Variants in BAZ2B observed in about 807,000 individuals in gnomAD.
BAZ2B encodes bromodomain adjacent to zinc finger domain 2B, also known as bromodomain adjacent to zinc finger domain protein 2B.
Under a neutral mutation model 246.0 loss-of-function variants are expected in BAZ2B, and 91 were observed. That is an observed-to-expected ratio of 0.37 (90% confidence interval 0.31 to 0.44). The LOEUF is 0.44. BAZ2B is among the 20% of genes least tolerant of loss of function. The probability of loss-of-function intolerance (pLI) is 1.00; values close to 1 mark genes in which losing one functional copy is unlikely to be tolerated. For synonymous variants in BAZ2B, 855 were observed against 860.0 expected (o/e 0.99, Z 0.10); for missense variants, 2,332 against 2,533.7 (o/e 0.92, Z 1.71).
At chr2:159,407,045 T>C (rs543249504) in intron 14 of BAZ2B, among the ~76,000 whole-genome samples, 19 of 151,284 alleles carry the variant, frequency 1.3e-4, no homozygotes, top group East Asian at 2.0e-4. Context: ...TGAGCCAGCG[T>C]GCCCGGCCTG....
chr2:159,652,361 C>T, the BAZ2B span, among the ~76,000 whole-genome samples: 1 of 152,042 alleles, frequency 6.6e-6, no homozygotes, highest in African/African-American at 2.4e-5. Context: ...AGGCGCGTGC[C>T]ACAACACCTG....
At chr2:159,712,266 C>G in the BAZ2B span, 1 of 152,192 alleles carries the variant, frequency 6.6e-6, no homozygotes, top group South Asian at 2.1e-4. Flanking sequence ...CCCGCACACT[C>G]GCCAGCCCAG....
chr2:159,323,801 CAAAA>C (rs70994291), intron 36 of BAZ2B, among the ~76,000 whole-genome samples: 1 of 127,506 alleles, frequency 7.8e-6, no homozygotes, highest in Admixed American at 8.1e-5. Context: ...GAAACTCTCT[CAAAA>C]AAAAAAAAAA....
intron 2 of BAZ2B, among the ~76,000 whole-genome samples, chr2:159,533,672 A>G (rs1160406090): frequency 6.6e-6 from 1 of 152,214 alleles, no homozygotes; most frequent in African/African-American, 2.4e-5. Flanking sequence ...AGTATAACTA[A>G]TAACACAACT....
chr2:159,428,034 G>A lies in BAZ2B; in HGVS notation c.2373C>T (p.Ser791=), dbSNP rs2070310389. The change falls in exon 13 of 37, where the codon AGC becomes AGT. Residue 791 remains serine (S), a synonymous_variant. Transcript: ENST00000392783. ...TTGAGATATCCATTATTCCATTTCT[G>A]CTGAGATACTGAAAAAATCACATAT... ...RQYPEVIKYL[S]RNGIMDISRD... 1 of 1,612,394 alleles carries A rather than the reference G, an allele frequency of 6.2e-7. No individual in the cohort carries two copies. The highest frequency in any genetic ancestry group is 8.5e-7 in the Non-Finnish European group (1 of 1,178,980).
the BAZ2B span, among the ~76,000 whole-genome samples, chr2:159,698,457 C>T: frequency 1.1e-4 from 16 of 149,738 alleles, no homozygotes; most frequent in South Asian, 3.4e-3. Context: ...TGAGCTGTGA[C>T]TGCACCACTG....
At chr2:159,546,292 T>A (rs1476232603) in intron 2 of BAZ2B, among the ~76,000 whole-genome samples, 1 of 151,824 alleles carries the variant, frequency 6.6e-6, no homozygotes, top group East Asian at 1.9e-4. Context: ...TCTTATGATA[T>A]CTGATGGTTT....
intron 5 of BAZ2B, 143 bp from the exon 6 acceptor site, chr2:159,447,118 T>TA: frequency 1.7e-6 from 1 of 578,230 alleles, no homozygotes; most frequent in Non-Finnish European, 2.7e-6. Context: ...TATGATTCCA[T>TA]CTACATGAAA....
chr2:159,560,907 G>A (rs1318289679), intron 1 of BAZ2B, among the ~76,000 whole-genome samples: 2 of 152,076 alleles, frequency 1.3e-5, no homozygotes, highest in East Asian at 3.9e-4. Context: ...AAAAATCACA[G>A]ACTTAGGATA....
chr2:159,467,779 G>A (rs2077266110), intron 3 of BAZ2B, among the ~76,000 whole-genome samples: 1 of 152,126 alleles, frequency 6.6e-6, no homozygotes, highest in African/African-American at 2.4e-5. Flanking sequence ...ATACTGGAAA[G>A]CATCCAAAAG....
At chr2:159,667,754 A>T in the BAZ2B span, among the ~76,000 whole-genome samples, 1 of 152,038 alleles carries the variant, frequency 6.6e-6, no homozygotes, top group Non-Finnish European at 1.5e-5. Flanking sequence ...CCATTGGTCC[A>T]CGGGCTTTTC....
intron 2 of BAZ2B, among the ~76,000 whole-genome samples, chr2:159,481,333 C>T (rs2079200665): frequency 6.6e-6 from 1 of 151,738 alleles, no homozygotes. Flanking sequence ...ATTGGCTTAC[C>T]ATATCGTAAG....
chr2:159,499,384 C>T (rs775668050), intron 2 of BAZ2B, among the ~76,000 whole-genome samples: 4 of 152,140 alleles, frequency 2.6e-5, no homozygotes, highest in Non-Finnish European at 5.9e-5. Context: ...CATAGTATTC[C>T]ATGGTGTATG....
chr2:159,341,311 G>C (rs557347856), intron 31 of BAZ2B, among the ~76,000 whole-genome samples: 1 of 152,048 alleles, frequency 6.6e-6, no homozygotes, highest in East Asian at 1.9e-4. Flanking sequence ...TAAATAAAGG[G>C]ATCAATTCAA....
chr2:159,662,178 T>C, the BAZ2B span, among the ~76,000 whole-genome samples: 2 of 152,230 alleles, frequency 1.3e-5, no homozygotes, highest in Non-Finnish European at 1.5e-5. Flanking sequence ...ACTATTCCTT[T>C]TTGTTGGCCA....
the BAZ2B span, among the ~76,000 whole-genome samples, chr2:159,700,740 C>G: frequency 1.3e-5 from 2 of 152,196 alleles, no homozygotes; most frequent in Non-Finnish European, 2.9e-5. Flanking sequence ...CCACCTCGTC[C>G]TGCCCTGTAT....
At chr2:159,511,125 A>G (rs2151184720) in intron 2 of BAZ2B, among the ~76,000 whole-genome samples, 2 of 152,338 alleles carry the variant, frequency 1.3e-5, no homozygotes, top group East Asian at 3.9e-4. Context: ...TACTTGCACA[A>G]ATACATCAAA....
Position 159,389,473 on chromosome 2 carries a change from A to T in BAZ2B, c.3088T>A (p.Leu1030Met). 1.2e-6 allele frequency: 2 copies of T among 1,603,526 alleles called. 1 individual carries two copies. Reference sequence around the variant, plus strand: ...TTCTCATCACGTTTTTCTTGTTTCAACCGCTCTTTTTCCTTAAAAAGAAAA... The same window carrying T: ...TTCTCATCACGTTTTTCTTGTTTCATCCGCTCTTTTTCCTTAAAAAGAAAA... ...ARKKAEEKERLKQEKRDEKRL... is the reference protein window; with the variant it reads ...ARKKAEEKERMKQEKRDEKRL... Residue 1030 changes from leucine to methionine, a missense_variant, in exon 21 of 37, where the codon TTG becomes ATG. Transcript: ENST00000392783.
intron 3 of BAZ2B, among the ~76,000 whole-genome samples, chr2:159,469,885 T>C (rs1377527578): frequency 1.3e-5 from 2 of 152,164 alleles, no homozygotes; most frequent in African/African-American, 2.4e-5. Flanking sequence ...AATAATATCA[T>C]TATATATTCT....
Sources: gnomAD v4.1 joint callset for allele counts (sites outside exome capture counted in the v4.1 genomes callset) on GRCh38, gnomAD v4.1.1 for gene constraint, MANE v1.5 for transcripts, NCBI Gene and HGNC (gene_info 2026-07-23, HGNC 2026-07-21) for gene names.